The following KRABD3 variants were observed in gnomAD, a reference collection of about 807,000 sequenced individuals.
KRABD3 encodes KRAB domain-containing protein 3.
the KRABD3 span, chr7:149,722,722 C>T: frequency 6.5e-7 from 1 of 1,537,272 alleles, no homozygotes; most frequent in Non-Finnish European, 8.8e-7. Context: ...GAATGCCTGC[C>T]AGCGCTCCCG....
the KRABD3 span, chr7:149,721,086 C>T: frequency 6.8e-7 from 1 of 1,467,242 alleles, no homozygotes. Context: ...GGCTTGCAGG[C>T]ACAGGCCGGG....
the KRABD3 span, chr7:149,721,511 G>A: frequency 1.9e-6 from 3 of 1,611,906 alleles, no homozygotes; most frequent in East Asian, 6.7e-5. Context: ...TGGTGACGGG[G>A]TCCAGGGAAG....
At chr7:149,719,808 C>T in the KRABD3 span, 2 of 1,253,110 alleles carry the variant, frequency 1.6e-6, no homozygotes, top group East Asian at 2.6e-5. The surrounding 1 kb of genome is among the most constrained non-coding windows in gnomAD (Gnocchi z 5.6). Context: ...TGCTGCTATT[C>T]TATGTCCCGG....
the KRABD3 span, chr7:149,729,732 C>G: frequency 4.1e-6 from 4 of 985,232 alleles, no homozygotes; most frequent in Non-Finnish European, 4.8e-6. Context: ...TGAATAAATG[C>G]GGTTTTGCTG....
the KRABD3 span, chr7:149,724,951 G>A: frequency 1.9e-4 from 190 of 979,984 alleles, 2 homozygotes; most frequent in South Asian, 3.3e-3. Flanking sequence ...GCAGGGAGCC[G>A]CCCCCTGGCC....
chr7:149,733,878 C>G, the KRABD3 span: 4 of 1,591,944 alleles, frequency 2.5e-6, no homozygotes, highest in South Asian at 1.1e-5. Context: ...CAGGGAGCCT[C>G]TCCTCCTGCA....
chr7:149,731,668 A>T, the KRABD3 span: 2 of 1,606,180 alleles, frequency 1.2e-6, no homozygotes, highest in Non-Finnish European at 8.5e-7. Context: ...TGCTCTTTCT[A>T]TAGGTACAGC....
chr7:149,722,902 G>A, the KRABD3 span: 6,600 of 1,613,270 alleles, frequency 4.1e-3, 15 homozygotes, highest in Non-Finnish European at 4.9e-3. Flanking sequence ...CCCTAGCCTG[G>A]GCACGTCCAG....
At chr7:149,725,815 G>T in the KRABD3 span, 3 of 1,379,138 alleles carry the variant, frequency 2.2e-6, no homozygotes, top group Non-Finnish European at 1.9e-6. Flanking sequence ...TCTGGTGCCC[G>T]TGCACCCCAT....
At chr7:149,734,088 G>C in the KRABD3 span, 2 of 1,552,800 alleles carry the variant, frequency 1.3e-6, no homozygotes, top group Non-Finnish European at 1.7e-6. Context: ...CTTGCCGAGG[G>C]TGCAGTGGTG....
the KRABD3 span, chr7:149,733,717 A>G: frequency 6.3e-7 from 1 of 1,582,260 alleles, no homozygotes; most frequent in Non-Finnish European, 8.6e-7. Flanking sequence ...CTCCCCCGGC[A>G]GAACCTCCTG....
the KRABD3 span, chr7:149,729,692 C>G: frequency 1.0e-6 from 1 of 985,458 alleles, no homozygotes. Context: ...CTTCCTAGAT[C>G]TGCTGCAGGG....
At chr7:149,724,898 A>G in the KRABD3 span, 63 of 1,443,532 alleles carry the variant, frequency 4.4e-5, 1 homozygote, top group South Asian at 9.1e-4. Context: ...TGGGCTTGTC[A>G]GTCCCTGGCA....
At chr7:149,725,557 TGTCGG>T in the KRABD3 span, 99 of 1,431,784 alleles carry the variant, frequency 6.9e-5, no homozygotes, top group Admixed American at 8.4e-4. Flanking sequence ...TGCTGAGGAC[TGTCGG>T]GTCATTGTGT....
chr7:149,731,861 G>GT, the KRABD3 span: 8 of 936,194 alleles, frequency 8.5e-6, no homozygotes, highest in Admixed American at 1.6e-4. Context: ...CAGGGTCAGT[G>GT]TTTGAGTGAT....
chr7:149,725,305 C>G, the KRABD3 span: 1 of 1,570,236 alleles, frequency 6.4e-7, no homozygotes, highest in South Asian at 1.2e-5. Flanking sequence ...GGTGCTCTCT[C>G]CTGTTCCAGC....
the KRABD3 span, among the ~76,000 whole-genome samples, chr7:149,728,278 C>T: frequency 1.3e-5 from 2 of 152,228 alleles, no homozygotes; most frequent in African/African-American, 4.8e-5. Flanking sequence ...AGAGCCCACA[C>T]CTGTGGCCAA....
chr7:149,721,856 C>CA, the KRABD3 span: 6 of 533,738 alleles, frequency 1.1e-5, no homozygotes, highest in Non-Finnish European at 2.1e-5. Context: ...TACCTGTGTG[C>CA]ACTGGTCTGA....
the KRABD3 span, chr7:149,731,620 T>G: frequency 7.4e-7 from 1 of 1,348,460 alleles, no homozygotes; most frequent in Non-Finnish European, 1.0e-6. Context: ...TCAGAATGGC[T>G]CTGGCCAAAC....
Sources: gnomAD v4.1 joint callset for allele counts (sites outside exome capture counted in the v4.1 genomes callset) on GRCh38, gnomAD v4.1.1 for gene constraint, Gnocchi (gnomAD v3.1) non-coding constraint, MANE v1.5 for transcripts, NCBI Gene and HGNC (gene_info 2026-07-23, HGNC 2026-07-21) for gene names.